FAM107A: variants seen among roughly 807,000 people sequenced by gnomAD.
FAM107A encodes family with sequence similarity 107 member A, also known as actin-associated protein FAM107A.
In FAM107A, 19 loss-of-function variants were observed where a neutral mutation model predicts 13.7. The observed-to-expected ratio is 1.38, with a 90% CI of 0.97 to 2.03. The LOEUF is 2.03. Among genes scored for constraint, FAM107A ranks in the 30% most tolerant of loss-of-function variants. The probability of loss-of-function intolerance (pLI) is 0.00; values close to 1 mark genes in which losing one functional copy is unlikely to be tolerated. For missense variants in FAM107A, 203 were observed against 184.4 expected, an observed-to-expected ratio of 1.10 and a Z score of -0.58; for synonymous variants, 82 against 74.5, an observed-to-expected ratio of 1.10 and a Z score of -0.52.
At chr3:58,567,159 A>G (rs1366684649) in intron 3 of FAM107A, 49 bp downstream of exon 3, 2 of 1,606,194 alleles carry the variant, frequency 1.2e-6, no homozygotes, top group Admixed American at 1.7e-5. Context: ...TCCTCCCTGG[A>G]GGACAGCCCT....
intron 1 of FAM107A, among the ~76,000 whole-genome samples, chr3:58,593,037 C>T (rs538817072): frequency 1.3e-5 from 2 of 152,260 alleles, no homozygotes; most frequent in African/African-American, 4.8e-5. Flanking sequence ...ACTCTACAAC[C>T]TCGGTGGACC....
chr3:58,600,114 C>T (rs2065741609), intron 1 of FAM107A, among the ~76,000 whole-genome samples: 1 of 152,068 alleles, frequency 6.6e-6, no homozygotes, highest in South Asian at 2.1e-4. Context: ...GATATTTGGC[C>T]TTCTGGATTC....
At chr3:58,587,059 G>T (rs2065614832) in exon 1 of FAM107A, 6 of 1,365,120 alleles carry the variant, frequency 4.4e-6, no homozygotes, top group Non-Finnish European at 5.6e-6. Context: ...ACCCCGCTGA[G>T]GGTCAAGTTA....
chr3:58,620,444 T>C (rs764043530), intron 1 of FAM107A, among the ~76,000 whole-genome samples: 1 of 152,218 alleles, frequency 6.6e-6, no homozygotes, highest in Non-Finnish European at 1.5e-5. Context: ...TCACCCCATA[T>C]AGATATTTGA....
At chr3:58,599,296 C>T (rs1192201667) in intron 1 of FAM107A, among the ~76,000 whole-genome samples, 1 of 152,178 alleles carries the variant, frequency 6.6e-6, no homozygotes, top group African/African-American at 2.4e-5. Flanking sequence ...TGCTTGCTGC[C>T]TTTCTGTCCA....
At chr3:58,603,709 C>T (rs1195246240) in intron 1 of FAM107A, among the ~76,000 whole-genome samples, 2 of 152,108 alleles carry the variant, frequency 1.3e-5, no homozygotes, top group African/African-American at 4.8e-5. Flanking sequence ...GGCTCAACCC[C>T]CAAAGTATCT....
intron 1 of FAM107A, among the ~76,000 whole-genome samples, chr3:58,610,897 C>A (rs1036331558): frequency 1.3e-5 from 2 of 152,120 alleles, no homozygotes; most frequent in Non-Finnish European, 2.9e-5. Flanking sequence ...TGGCTATGTC[C>A]CCACCCAAAT....
In FAM107A at chr3:58,617,789, A is replaced by C. The variant is rs2065917451; in HGVS notation, c.-70+9627T>G. ...GGAGTGGAGCCACTACCTACTATTA[A>C]CTCTGCCTTGCACAAGGTGAAGATT... is the stretch of plus-strand genomic sequence containing the variant. On this transcript the variant is annotated intron_variant, in intron 1 of 3. Coordinates refer to the FAM107A transcript ENST00000465970. The surrounding 1 kb of genome is among the most constrained non-coding windows in gnomAD (Gnocchi z 4.5). 5.9e-5 allele frequency among the ~76,000 whole-genome samples: 9 copies of C among 151,940 alleles called. No individual in the cohort carries two copies.
At chr3:58,616,725 A>T (rs963031035) in intron 1 of FAM107A, among the ~76,000 whole-genome samples, 2 of 152,106 alleles carry the variant, frequency 1.3e-5, no homozygotes. Flanking sequence ...CCCTGATTTC[A>T]GCTTCTAGCC....
chr3:58,614,712 C>T (rs62250316), intron 1 of FAM107A, among the ~76,000 whole-genome samples: 20,289 of 151,952 alleles, frequency 0.13, 1,829 homozygotes, highest in African/African-American at 0.25. Flanking sequence ...GCCATGTTGG[C>T]CAGGCTGGTC....
At position 58,604,617 on chromosome 3, in the gene FAM107A, C is replaced by T. The variant is rs910324266; in HGVS notation, c.-69-15348G>A. On this transcript the variant is annotated intron_variant, in intron 1 of 3. Transcript: ENST00000465970. The surrounding 1 kb of genome is among the most constrained non-coding windows in gnomAD (Gnocchi z 4.1). ...GACCTCAGGATGTGTGGACTGAATG[C>T]ACTTTCCTTTATTAATCCTTGTGTT... 3.9e-5 allele frequency among the ~76,000 whole-genome samples: 6 copies of T among 152,178 alleles called. No individual in the cohort carries two copies. Among genetic ancestry groups the T allele is most frequent in the African/African-American group, 1.2e-4 (5 of 41,422 alleles).
At chr3:58,576,303 G>T (rs145029389) in intron 1 of FAM107A, among the ~76,000 whole-genome samples, 43 of 152,334 alleles carry the variant, frequency 2.8e-4, no homozygotes, top group African/African-American at 1.0e-3. Context: ...ATGTTGGGTG[G>T]ACATTTAGGA....
intron 1 of FAM107A, among the ~76,000 whole-genome samples, chr3:58,571,830 C>T (rs1323635222): frequency 6.6e-6 from 1 of 152,216 alleles, no homozygotes; most frequent in Admixed American, 6.5e-5. Context: ...TACTTTGGCT[C>T]CCCAGCTATT....
At chr3:58,582,955 C>A (rs761143193) in intron 1 of FAM107A, among the ~76,000 whole-genome samples, 1 of 152,208 alleles carries the variant, frequency 6.6e-6, no homozygotes, top group African/African-American at 2.4e-5. Context: ...CCTGCCATCA[C>A]GCCTAGCTAA....
At position 58,569,723 on chromosome 3, in the gene FAM107A, C is replaced by T. The variant is rs1252271178; in HGVS notation, c.138G>A (p.Glu46=). Residue 46 remains glutamate (E), a synonymous_variant, in exon 2 of 4, where the codon GAG becomes GAA. Coordinates refer to ENST00000360997, the MANE Select transcript of FAM107A (RefSeq NM_001076778.3). The surrounding 1 kb of genome is among the most constrained non-coding windows in gnomAD (Gnocchi z 5.7). ...NPVKASRSHQ[E]LHRELLMNHR... The stretch of plus-strand genomic sequence containing the variant: ...GGTTCATGAGCAGCTCCCGGTGGAG[C>T]TCCTGGTGACTCCGAGAGGCCTTCA... 4 of 1,613,848 alleles carry T rather than the reference C, an allele frequency of 2.5e-6. No homozygotes were observed. Among genetic ancestry groups the T allele is most frequent in the East Asian group, 4.5e-5 (2 of 44,884 alleles).
chr3:58,585,665 G>A (rs993679469), intron 1 of FAM107A, among the ~76,000 whole-genome samples: 1 of 152,200 alleles, frequency 6.6e-6, no homozygotes, highest in Non-Finnish European at 1.5e-5. Flanking sequence ...GCTGGCCCGT[G>A]AGCCCAAGTC....
chr3:58,569,748 AC>A lies in FAM107A; in HGVS notation c.112del (p.Val38Ter). 6.2e-7 allele frequency: 1 copy of A among 1,613,908 alleles called. No individual in the cohort carries two copies. The highest frequency in any genetic ancestry group is 1.1e-5 in the South Asian group (1 of 91,044). ...CTCCTGGTGACTCCGAGAGGCCTTCACGGGGTTCAGCAGCTTCTTGGGCTTG... is the reference window on the plus strand; with the variant it reads ...CTCCTGGTGACTCCGAGAGGCCTTCAGGGGTTCAGCAGCTTCTTGGGCTTG... Reference protein sequence around the residue: ...LIKPKKLLNPVKASRSHQELH... With the variant: ...LIKPKKLLNPXKASRSHQELH... On this transcript the variant is annotated frameshift_variant, in exon 2 of 4. Transcript: ENST00000360997. LOFTEE classifies it high-confidence loss of function. The surrounding 1 kb of genome is among the most constrained non-coding windows in gnomAD (Gnocchi z 5.7).
At chr3:58,593,726 G>A (rs2065674295) in intron 1 of FAM107A, among the ~76,000 whole-genome samples, 1 of 151,968 alleles carries the variant, frequency 6.6e-6, no homozygotes, top group African/African-American at 2.4e-5. Flanking sequence ...AACAATTGCT[G>A]GCTTAGCATT....
chr3:58,602,682 T>A (rs538184630), intron 1 of FAM107A, among the ~76,000 whole-genome samples: 6 of 152,280 alleles, frequency 3.9e-5, no homozygotes, highest in African/African-American at 9.6e-5. Flanking sequence ...TTTAGAAAAA[T>A]TAAGTGAAAA....
Sources: allele counts gnomAD v4.1 joint callset (sites outside exome capture counted in the v4.1 genomes callset), GRCh38; gene constraint gnomAD v4.1.1; non-coding constraint Gnocchi (gnomAD v3.1); transcripts MANE v1.5; gene names NCBI Gene and HGNC (gene_info 2026-07-23, HGNC 2026-07-21).